Variants in SIL1 observed in about 807,000 individuals in gnomAD.
The protein encoded by SIL1 is SIL1 nucleotide exchange factor, also known as nucleotide exchange factor SIL1.
A neutral mutation model predicts 49.1 loss-of-function variants in SIL1; 40 were observed. The observed-to-expected ratio is 0.81, with a 90% CI of 0.63 to 1.06. The LOEUF (loss-of-function observed/expected upper bound fraction) is 1.06. SIL1 is among the 50% of genes least tolerant of loss of function. The pLI, the probability that SIL1 is intolerant of heterozygous loss-of-function variation, is 0.00. For synonymous variants in SIL1, 253 were observed against 250.8 expected (o/e 1.01, Z -0.08); for missense variants, 500 against 572.6 (o/e 0.87, Z 1.29).
intron 7 of SIL1, among the ~76,000 whole-genome samples, chr5:138,976,471 C>A (rs963109185): frequency 6.6e-6 from 1 of 152,040 alleles, no homozygotes; most frequent in Non-Finnish European, 1.5e-5. Flanking sequence ...CGCCACCATA[C>A]CTGGCTAATT....
chr5:139,052,949 T>A (rs942165704), intron 3 of SIL1, among the ~76,000 whole-genome samples: 1 of 152,010 alleles, frequency 6.6e-6, no homozygotes, highest in East Asian at 1.9e-4. Flanking sequence ...ATTCCTAGGA[T>A]GGGAAAATAT....
chr5:139,078,986 A>G (rs1231477167), intron 3 of SIL1, among the ~76,000 whole-genome samples: 1 of 152,234 alleles, frequency 6.6e-6, no homozygotes, highest in Non-Finnish European at 1.5e-5. Context: ...GTGGCTTTTG[A>G]GTACTTGAAA....
chr5:139,172,319 T>C (rs1394958555), intron 1 of SIL1, among the ~76,000 whole-genome samples: 1 of 151,926 alleles, frequency 6.6e-6, no homozygotes, highest in Non-Finnish European at 1.5e-5. Flanking sequence ...AATCAAACTG[T>C]TGAAAGACAA....
intron 1 of SIL1, among the ~76,000 whole-genome samples, chr5:139,191,846 G>A (rs972439069): frequency 3.3e-5 from 5 of 152,012 alleles, no homozygotes; most frequent in Non-Finnish European, 7.4e-5. Flanking sequence ...GAAGGCCGAG[G>A]CCGGCAGATC....
intron 1 of SIL1, among the ~76,000 whole-genome samples, chr5:139,143,508 T>G (rs1751134856): frequency 6.6e-6 from 1 of 151,848 alleles, no homozygotes; most frequent in Non-Finnish European, 1.5e-5. Flanking sequence ...GTAGCTGGGA[T>G]TACAGGCATG....
At chr5:139,019,044 A>G (rs1054102987) in intron 7 of SIL1, among the ~76,000 whole-genome samples, 1 of 152,224 alleles carries the variant, frequency 6.6e-6, no homozygotes, top group African/African-American at 2.4e-5. Flanking sequence ...CATGCCCATC[A>G]GCAGAAAACT....
At chr5:138,989,014 C>G (rs1018447733) in intron 7 of SIL1, among the ~76,000 whole-genome samples, 4 of 152,178 alleles carry the variant, frequency 2.6e-5, no homozygotes, top group African/African-American at 9.7e-5. Context: ...CTAGAAGAAA[C>G]TGACAACACT....
chr5:139,150,421 C>A (rs1554135796), intron 1 of SIL1, among the ~76,000 whole-genome samples: 1 of 152,128 alleles, frequency 6.6e-6, no homozygotes, highest in Non-Finnish European at 1.5e-5. Flanking sequence ...CCCTACTCAG[C>A]CATCATCAAC....
At chr5:139,178,939 T>C (rs1207217925) in intron 1 of SIL1, among the ~76,000 whole-genome samples, 1 of 151,774 alleles carries the variant, frequency 6.6e-6, no homozygotes, top group Non-Finnish European at 1.5e-5. Flanking sequence ...AATCAAAGAG[T>C]TCTACTTAGA....
chr5:139,076,835 A>G (rs1249835554), intron 3 of SIL1, among the ~76,000 whole-genome samples: 4 of 152,196 alleles, frequency 2.6e-5, no homozygotes, highest in Non-Finnish European at 4.4e-5. Context: ...GAAAGAAAGA[A>G]AAAAGCAATT....
At chr5:139,005,421 AT>A (rs1768091874) in intron 7 of SIL1, among the ~76,000 whole-genome samples, 1 of 149,258 alleles carries the variant, frequency 6.7e-6, no homozygotes, top group African/African-American at 2.5e-5. Flanking sequence ...AATTTTTTAA[AT>A]TTTTATTTAT....
At chr5:139,008,355 T>C (rs1424183519) in intron 7 of SIL1, among the ~76,000 whole-genome samples, 1 of 142,370 alleles carries the variant, frequency 7.0e-6, no homozygotes, top group Non-Finnish European at 1.5e-5. Context: ...TCTCTCTTTT[T>C]TTCTTTATTA....
intron 1 of SIL1, among the ~76,000 whole-genome samples, chr5:139,183,670 A>T (rs988881123): frequency 6.6e-6 from 1 of 152,208 alleles, no homozygotes; most frequent in Non-Finnish European, 1.5e-5. Context: ...AGGGAAGCGG[A>T]TGATTCACCC....
At chr5:139,031,199 T>G (rs548885734) in intron 5 of SIL1, among the ~76,000 whole-genome samples, 6 of 152,170 alleles carry the variant, frequency 3.9e-5, no homozygotes, top group Admixed American at 2.0e-4. Flanking sequence ...CTTTACCTGG[T>G]CCTAGTTCCC....
chr5:139,113,397 C>T (rs1387394012), intron 3 of SIL1, among the ~76,000 whole-genome samples: 2 of 152,024 alleles, frequency 1.3e-5, no homozygotes, highest in African/African-American at 4.8e-5. Flanking sequence ...TCCTCCCTCT[C>T]CCTCACTGGC....
At chr5:139,036,548 A>C (rs1224406900) in intron 5 of SIL1, among the ~76,000 whole-genome samples, 6 of 152,234 alleles carry the variant, frequency 3.9e-5, no homozygotes, top group African/African-American at 1.4e-4. Context: ...CCCTTCAAGA[A>C]ACATGGATGG....
chr5:139,163,526 C>T (rs779086563), intron 1 of SIL1, among the ~76,000 whole-genome samples: 23 of 152,006 alleles, frequency 1.5e-4, no homozygotes, highest in Admixed American at 5.9e-4. Flanking sequence ...CCCACCACCA[C>T]GCCTGGCTAT....
intron 1 of SIL1, among the ~76,000 whole-genome samples, chr5:139,193,318 C>T (rs957816157): frequency 6.6e-6 from 1 of 152,198 alleles, no homozygotes; most frequent in African/African-American, 2.4e-5. Context: ...AATCCCAGCA[C>T]TTTGGGAGAC....
intron 7 of SIL1, among the ~76,000 whole-genome samples, chr5:138,993,711 C>G (rs535446175): frequency 2.4e-4 from 36 of 152,324 alleles, no homozygotes; most frequent in South Asian, 2.1e-3. Context: ...CCACCAGCAA[C>G]AAACTAAGGT....
Sources: allele counts gnomAD v4.1 joint callset (sites outside exome capture counted in the v4.1 genomes callset), GRCh38; gene constraint gnomAD v4.1.1; transcripts MANE v1.5; gene names NCBI Gene and HGNC (gene_info 2026-07-23, HGNC 2026-07-21).